The following CAMK2D variants were observed in gnomAD, a reference collection of about 807,000 sequenced individuals.
The protein encoded by CAMK2D is calcium/calmodulin dependent protein kinase II delta, also known as calcium/calmodulin-dependent protein kinase type II subunit delta.
In CAMK2D, 37 loss-of-function variants were observed where a neutral mutation model predicts 84.0. The ratio of observed to expected loss-of-function variants is 0.44; its 90% CI spans 0.34 to 0.58. The LOEUF (loss-of-function observed/expected upper bound fraction) is 0.58. Among genes scored for constraint, CAMK2D ranks in the 20% least tolerant of loss-of-function variants. The pLI is 0.02. For missense variants in CAMK2D, 448 were observed against 652.5 expected (o/e 0.69, Z 3.41); for synonymous variants, 202 against 212.5 (o/e 0.95, Z 0.43).
At chr4:113,601,469 G>C (rs1561272750) in intron 4 of CAMK2D, among the ~76,000 whole-genome samples, 1 of 151,386 alleles carries the variant, frequency 6.6e-6, no homozygotes, top group Non-Finnish European at 1.5e-5. Flanking sequence ...ATACGTACTG[G>C]AAAACCAGTA....
chr4:113,558,253 A>T (rs1222641791), intron 4 of CAMK2D, among the ~76,000 whole-genome samples: 1 of 152,258 alleles, frequency 6.6e-6, no homozygotes, highest in African/African-American at 2.4e-5. Flanking sequence ...AGCTAACTGA[A>T]TAACCAAGTC....
At chr4:113,723,466 T>C (rs1261677866) in intron 2 of CAMK2D, among the ~76,000 whole-genome samples, 1 of 152,080 alleles carries the variant, frequency 6.6e-6, no homozygotes, top group Non-Finnish European at 1.5e-5. Flanking sequence ...TCAAGTGATC[T>C]GCCCGCCTTG....
At position 113,543,400 on chromosome 4, in the gene CAMK2D, G is replaced by A. The variant is rs78805666; in HGVS notation, c.414+4244C>T. On this transcript the variant is annotated intron_variant, in intron 6 of 20. Transcript: ENST00000511664. ...ATATATTGATTTTTTTTTTTTTTTT[G>A]TAGGGATGGGGGGTCTTGCTATGTT... is the stretch of plus-strand genomic sequence containing the variant. 2.3e-3 allele frequency among the ~76,000 whole-genome samples: 211 copies of A among 92,102 alleles called. 5 individuals carry two copies. Among genetic ancestry groups the A allele is most frequent in the Admixed American group, 9.1e-4 (8 of 8,768 alleles). 60.4% of individuals were successfully genotyped at this position (92,102 alleles called of 152,430 possible). A position where few individuals can be genotyped will look rare whatever the true frequency, so the allele number is the denominator to read the frequency against.
intron 2 of CAMK2D, among the ~76,000 whole-genome samples, chr4:113,748,781 T>C (rs2099610519): frequency 6.6e-6 from 1 of 152,100 alleles, no homozygotes; most frequent in African/African-American, 2.4e-5. Context: ...ACTACAAATA[T>C]GTCTTTCCCT....
intron 6 of CAMK2D, among the ~76,000 whole-genome samples, chr4:113,540,538 T>C (rs1263266149): frequency 6.6e-6 from 1 of 152,194 alleles, no homozygotes; most frequent in Non-Finnish European, 1.5e-5. Context: ...CTAACTGTTA[T>C]TACCTATATG....
At chr4:113,675,496 A>G (rs1464005290) in intron 2 of CAMK2D, among the ~76,000 whole-genome samples, 2 of 152,332 alleles carry the variant, frequency 1.3e-5, no homozygotes, top group East Asian at 3.9e-4. Flanking sequence ...TCCTTTCCAG[A>G]CAAGATGTAT....
At chr4:113,622,509 G>A (rs1341068299) in intron 3 of CAMK2D, among the ~76,000 whole-genome samples, 3 of 151,822 alleles carry the variant, frequency 2.0e-5, no homozygotes, top group South Asian at 2.1e-4. Context: ...TTATGCCTGC[G>A]ATCCCAATGC....
chr4:113,475,080 C>T (rs937032092), intron 16 of CAMK2D, among the ~76,000 whole-genome samples: 31 of 152,166 alleles, frequency 2.0e-4, no homozygotes, highest in African/African-American at 7.5e-4. Flanking sequence ...ATTTCAGTTG[C>T]TGTTGTTTAG....
chr4:113,491,470 G>T (rs950508515), intron 16 of CAMK2D, among the ~76,000 whole-genome samples: 1 of 151,500 alleles, frequency 6.6e-6, no homozygotes, highest in Admixed American at 6.6e-5. Context: ...TATTGAACCA[G>T]CCTTGCATCC....
chr4:113,582,333 C>T (rs1265553405), intron 4 of CAMK2D, among the ~76,000 whole-genome samples: 1 of 152,154 alleles, frequency 6.6e-6, no homozygotes, highest in Non-Finnish European at 1.5e-5. Context: ...AAATCTAGGA[C>T]ACACGTTTCT....
rs369879427 is a variant in CAMK2D at position 113,755,105 on chromosome 4, TAAAAG to T, written c.160+4210_160+4214del. The T allele has an allele frequency of 4.6e-4, 456 of 981,254 alleles. 2 individuals carry two copies. The African/African-American group carries it at 6.8e-3, about 15-fold the overall frequency. 60.8% of individuals were successfully genotyped at this position (981,254 alleles called of 1,614,324 possible). A position where few individuals can be genotyped will look rare whatever the true frequency, so the allele number is the denominator to read the frequency against. ...TTCTTGACTGCCTGGAAGCCAAAAA[TAAAAG>T]AAAAGTAGCAAGAATTAGTTTTTAA... On this transcript the variant is annotated intron_variant, in intron 2 of 20. Transcript: ENST00000511664.
chr4:113,597,020 G>A (rs189950584), intron 4 of CAMK2D, among the ~76,000 whole-genome samples: 6 of 152,030 alleles, frequency 3.9e-5, no homozygotes, highest in Non-Finnish European at 5.9e-5. Flanking sequence ...GGGTTTCACC[G>A]TGTTAGCCAG....
At chr4:113,467,009 T>C (rs2097481784) in intron 16 of CAMK2D, among the ~76,000 whole-genome samples, 2 of 152,244 alleles carry the variant, frequency 1.3e-5, no homozygotes, top group African/African-American at 4.8e-5. Context: ...ATGGAATAGA[T>C]GCTCAATGTT....
At chr4:113,535,383 T>C (rs17046189) in intron 7 of CAMK2D, among the ~76,000 whole-genome samples, 2,894 of 152,294 alleles carry the variant, frequency 0.019, 95 homozygotes, top group African/African-American at 0.066. Context: ...CATGCATAAT[T>C]TGAACGATTG....
At chr4:113,695,361 A>C (rs142501169) in intron 2 of CAMK2D, among the ~76,000 whole-genome samples, 2 of 151,726 alleles carry the variant, frequency 1.3e-5, no homozygotes, top group African/African-American at 4.8e-5. Context: ...TGACCTCTCT[A>C]CTCCTCCCCT....
rs769117708 is a variant in CAMK2D at position 113,735,289 on chromosome 4, GAAAAAAAAAAAAAA to G, written c.160+24017_160+24030del. Among the ~76,000 whole-genome samples, 60 of 44,764 alleles carry G rather than the reference GAAAAAAAAAAAAAA, an allele frequency of 1.3e-3. 1 individual carries two copies. Among genetic ancestry groups the G allele is most frequent in the South Asian group, 1.6e-3 (2 of 1,226 alleles). The allele number at this position is 44,764 out of a possible 152,430, so 29.4% of individuals were successfully genotyped here. A position where few individuals can be genotyped will look rare whatever the true frequency, so the allele number is the denominator to read the frequency against. The stretch of plus-strand genomic sequence containing the variant: ...CAACATGGCAAAACCATCTCTACAG[GAAAAAAAAAAAAAA>G]AAAAAAAAAAAAAAAAAAAAAATTA... On this transcript the variant is annotated intron_variant, in intron 2 of 20. Coordinates refer to ENST00000511664, the MANE Select transcript of CAMK2D (RefSeq NM_001321571.2).
chr4:113,574,624 T>C (rs1244957676), intron 4 of CAMK2D, among the ~76,000 whole-genome samples: 1 of 152,222 alleles, frequency 6.6e-6, no homozygotes, highest in Non-Finnish European at 1.5e-5. Context: ...AATCATTAAA[T>C]GTTCTTTTCA....
intron 8 of CAMK2D, among the ~76,000 whole-genome samples, chr4:113,520,301 G>A (rs771682726): frequency 5.3e-5 from 8 of 151,970 alleles, no homozygotes; most frequent in Non-Finnish European, 8.8e-5. Context: ...TCAGCTACTC[G>A]GGAGGCTGAG....
intron 17 of CAMK2D, among the ~76,000 whole-genome samples, chr4:113,463,152 CCTGATATAGTTTGT>C (rs1454420959): frequency 6.6e-6 from 1 of 152,008 alleles, no homozygotes; most frequent in Non-Finnish European, 1.5e-5. Context: ...AGAAGAAGCT[CCTGATATAGTTTGT>C]CTTACATTTA....
Sources: gnomAD v4.1 joint callset for allele counts (sites outside exome capture counted in the v4.1 genomes callset) on GRCh38, gnomAD v4.1.1 for gene constraint, MANE v1.5 for transcripts, NCBI Gene and HGNC (gene_info 2026-07-23, HGNC 2026-07-21) for gene names.